The following ACTR3C variants were observed in gnomAD, a reference collection of about 807,000 sequenced individuals.
ACTR3C encodes actin-related protein 3C.
Under a neutral mutation model 26.3 loss-of-function variants are expected in ACTR3C, and 18 were observed. The observed-to-expected ratio is 0.68, with a 90% CI of 0.47 to 1.01. The LOEUF is 1.01. ACTR3C is among the 50% of genes least tolerant of loss of function. The pLI is 0.00. For synonymous variants in ACTR3C, 55 were observed against 94.5 expected, an observed-to-expected ratio of 0.58 and a Z score of 2.42; for missense variants, 184 against 250.7, an observed-to-expected ratio of 0.73 and a Z score of 1.80.
At chr7:149,957,316 A>G in the ACTR3C span, among the ~76,000 whole-genome samples, 10 of 152,324 alleles carry the variant, frequency 6.6e-5, no homozygotes, top group African/African-American at 2.4e-4. Context: ...GGCTAATTTC[A>G]TTAACCAATG....
the ACTR3C span, among the ~76,000 whole-genome samples, chr7:149,973,729 T>C: frequency 6.7e-6 from 1 of 149,506 alleles, no homozygotes; most frequent in African/African-American, 2.4e-5. Flanking sequence ...GACCTCATTT[T>C]CCCCTGTTAT....
the ACTR3C span, among the ~76,000 whole-genome samples, chr7:150,110,261 CAGTA>C: frequency 6.6e-6 from 1 of 151,722 alleles, no homozygotes; most frequent in Non-Finnish European, 1.5e-5. Flanking sequence ...AAAGCAAAAA[CAGTA>C]AGAAAGAGTT....
In ACTR3C at chr7:150,289,552, C is replaced by A. The variant is rs754777314; in HGVS notation, c.195G>T (p.Pro65=). The A allele has an allele frequency of 5.0e-6, 8 of 1,601,570 alleles. No homozygotes were observed. Among genetic ancestry groups the A allele is most frequent in the African/African-American group, 1.3e-5 (1 of 74,302 alleles). ...AATACGTAATATCTCTACCTGCAAT[C>A]GGGATGTGTTTGATGCAGCTTCCAA... is the stretch of plus-strand genomic sequence containing the variant. ...YVIGSCIKHI[P]IAGRDITYFI... is the part of the protein sequence containing the mutation. Residue 65 remains proline (P), a synonymous_variant, in exon 4 of 8, where the codon CCG becomes CCT. Coordinates refer to ENST00000683684, the MANE Select transcript of ACTR3C (RefSeq NM_001164458.2).
intron 6 of ACTR3C, among the ~76,000 whole-genome samples, chr7:150,277,875 C>T (rs1033034480): frequency 6.6e-6 from 1 of 152,206 alleles, no homozygotes; most frequent in Non-Finnish European, 1.5e-5. Flanking sequence ...GCAGCCCAAG[C>T]ACTTTTCTAG....
the ACTR3C span, among the ~76,000 whole-genome samples, chr7:150,177,116 T>TTTTC: frequency 0.16 from 24,152 of 150,138 alleles, 4,236 homozygotes; most frequent in African/African-American, 0.39. Context: ...AGTAAACGTA[T>TTTTC]AGTCATAGTT....
the ACTR3C span, among the ~76,000 whole-genome samples, chr7:150,211,576 C>T: frequency 1.3e-5 from 2 of 149,512 alleles, no homozygotes; most frequent in South Asian, 4.2e-4. Flanking sequence ...CCACCATGCC[C>T]GGCCCATGGT....
chr7:150,304,442 T>C (rs1795653438), intron 1 of ACTR3C, among the ~76,000 whole-genome samples: 1 of 152,144 alleles, frequency 6.6e-6, no homozygotes, highest in East Asian at 1.9e-4. Flanking sequence ...GTACGTTTTA[T>C]TTTTAGTAAT....
Position 150,295,124 on chromosome 7 carries a change from C to T in ACTR3C, c.45+128G>A, listed in dbSNP as rs897466861. 53 of 1,121,336 alleles carry T rather than the reference C, an allele frequency of 4.7e-5. 2 individuals are homozygous for T. The highest frequency in any genetic ancestry group is 2.8e-4 in the Admixed American group (11 of 39,652). 69.5% of individuals were successfully genotyped at this position (1,121,336 alleles called of 1,614,324 possible). On this transcript the variant is annotated intron_variant, in intron 2 of 7. Transcript: ENST00000683684. ...CCTATAGTCCTGAATGGCATGGGGA[C>T]GGGGGAGGGAGTGGAAAAAGGAAGG...
intron 1 of ACTR3C, among the ~76,000 whole-genome samples, chr7:150,309,651 C>A (rs775830764): frequency 1.3e-5 from 2 of 152,198 alleles, no homozygotes; most frequent in East Asian, 3.8e-4. Context: ...GGCCACTAGA[C>A]CAAGAAATGC....
intron 6 of ACTR3C, among the ~76,000 whole-genome samples, chr7:150,276,070 CTGTCTTTAT>C (rs1203152673): frequency 3.5e-4 from 54 of 152,290 alleles, no homozygotes; most frequent in African/African-American, 1.2e-3. Flanking sequence ...TGGAAAGGCC[CTGTCTTTAT>C]GCTGGTAAAA....
the ACTR3C span, among the ~76,000 whole-genome samples, chr7:150,202,092 C>T: frequency 2.6e-5 from 4 of 152,160 alleles, no homozygotes; most frequent in African/African-American, 9.7e-5. Context: ...CATTTAAAGA[C>T]TAACTAGGTC....
At chr7:150,236,414 T>C in the ACTR3C span, among the ~76,000 whole-genome samples, 1 of 152,172 alleles carries the variant, frequency 6.6e-6, no homozygotes, top group Non-Finnish European at 1.5e-5. Flanking sequence ...CTAGGGCAAT[T>C]CTGGAATGCC....
At chr7:149,979,405 T>C in the ACTR3C span, among the ~76,000 whole-genome samples, 1 of 152,158 alleles carries the variant, frequency 6.6e-6, no homozygotes, top group African/African-American at 2.4e-5. Context: ...CCAAAACGTG[T>C]ATTCCCTTCC....
At chr7:149,896,917 C>T in the ACTR3C span, among the ~76,000 whole-genome samples, 1 of 151,934 alleles carries the variant, frequency 6.6e-6, no homozygotes, top group South Asian at 2.1e-4. Context: ...AAAAATTAGC[C>T]AGGCATGGGG....
the ACTR3C span, among the ~76,000 whole-genome samples, chr7:150,035,956 GGC>G: frequency 7.5e-6 from 1 of 132,538 alleles, no homozygotes. Context: ...TCAGAGCCAG[GGC>G]GGGAAGAGGG....
At chr7:149,976,329 C>A in the ACTR3C span, among the ~76,000 whole-genome samples, 1 of 152,114 alleles carries the variant, frequency 6.6e-6, no homozygotes, top group East Asian at 1.9e-4. Flanking sequence ...AATCCCAGCA[C>A]TTTGGGAGGC....
chr7:150,092,761 A>C, the ACTR3C span, among the ~76,000 whole-genome samples: 1 of 150,628 alleles, frequency 6.6e-6, no homozygotes, highest in African/African-American at 2.5e-5. Flanking sequence ...ATATGGGCTA[A>C]AGTGATGAAT....
At chr7:150,184,393 C>T in the ACTR3C span, among the ~76,000 whole-genome samples, 2 of 150,932 alleles carry the variant, frequency 1.3e-5, no homozygotes, top group South Asian at 2.1e-4. Flanking sequence ...GGTCTCAGCT[C>T]TCTTGTCCAG....
chr7:150,141,915 C>G, the ACTR3C span, among the ~76,000 whole-genome samples: 1 of 152,004 alleles, frequency 6.6e-6, no homozygotes, highest in East Asian at 1.9e-4. Context: ...CCCCAGGAAA[C>G]AGGCCAGATG....
Sources: gnomAD v4.1 joint callset for allele counts (sites outside exome capture counted in the v4.1 genomes callset) on GRCh38, gnomAD v4.1.1 for gene constraint, MANE v1.5 for transcripts, NCBI Gene and HGNC (gene_info 2026-07-23, HGNC 2026-07-21) for gene names.